Variants in ACSM6 observed in about 807,000 individuals in gnomAD.
ACSM6 encodes acyl-coenzyme A synthetase ACSM6, mitochondrial.
ACSM6 carries 35 observed loss-of-function variants against 51.1 expected under a neutral mutation model. The ratio of observed to expected loss-of-function variants is 0.69; its 90% confidence interval spans 0.52 to 0.91. ACSM6 has a LOEUF of 0.91. Ranked by LOEUF, ACSM6 falls within the 40% of genes least tolerant of loss-of-function variation. ACSM6 has a pLI of 0.00. For synonymous variants in ACSM6, 172 were observed against 207.3 expected (o/e 0.83, Z 1.46); for missense variants, 509 against 584.1 (o/e 0.87, Z 1.32).
At chr10:95,221,006 C>CATAAATAAATAAATAAATAA (rs2034990252) in intron 9 of ACSM6, among the ~76,000 whole-genome samples, 1 of 151,250 alleles carries the variant, frequency 6.6e-6, no homozygotes, top group Admixed American at 6.6e-5. Context: ...CATTTAGAGA[C>CATAAATAAATAAATAAATAA]ATGAATAAAA....
At chr10:95,214,946 A>G (rs1430526718) in exon 8 of ACSM6, 1 of 1,551,518 alleles carries the variant, frequency 6.4e-7, no homozygotes, top group African/African-American at 1.4e-5. Flanking sequence ...TAAGTTGGAC[A>G]TCTATGAAGG....
At chr10:95,228,803 T>C (rs746299777) in exon 11 of ACSM6, 18 of 1,549,390 alleles carry the variant, frequency 1.2e-5, no homozygotes, top group Middle Eastern at 1.7e-4. Flanking sequence ...GTTATTGCTA[T>C]TGAGCCTGGG....
At chr10:95,218,240 C>G (rs1318558789) in intron 8 of ACSM6, among the ~76,000 whole-genome samples, 2 of 152,208 alleles carry the variant, frequency 1.3e-5, no homozygotes, top group Non-Finnish European at 2.9e-5. Context: ...GTCACACAAC[C>G]TGCATGGGAG....
chr10:95,207,776 T>C (rs1289230430), intron 4 of ACSM6, among the ~76,000 whole-genome samples: 1 of 130,092 alleles, frequency 7.7e-6, no homozygotes, highest in South Asian at 2.5e-4. Context: ...AAAAAACTTA[T>C]ATATAGACTA....
chr10:95,221,284 T>G (rs1459221437), intron 9 of ACSM6, among the ~76,000 whole-genome samples: 1 of 152,114 alleles, frequency 6.6e-6, no homozygotes, highest in African/African-American at 2.4e-5. Flanking sequence ...AGAATCCCTA[T>G]GAATAATTAT....
exon 4 of ACSM6, chr10:95,207,274 C>T: frequency 6.2e-7 from 1 of 1,614,172 alleles, no homozygotes; most frequent in East Asian, 2.2e-5. Context: ...TTACGCATGT[C>T]TAAGGCCCAG....
intron 3 of ACSM6, 129 bp from the exon 4 acceptor site, chr10:95,207,079 C>T (rs2034844819): frequency 1.2e-6 from 1 of 808,208 alleles, no homozygotes; most frequent in African/African-American, 1.7e-5. Flanking sequence ...TGTTACTGAC[C>T]CAATAGAGAA....
intron 8 of ACSM6, among the ~76,000 whole-genome samples, chr10:95,215,762 C>T (rs1163213380): frequency 6.6e-6 from 1 of 152,152 alleles, no homozygotes; most frequent in African/African-American, 2.4e-5. Flanking sequence ...TTATTTTTCT[C>T]ACAGTTCTAG....
rs1438758659 is a variant in ACSM6, at chr10:95,210,799, GT to G, written c.755+8del. Reference sequence around the variant, plus strand: ...GGATTCAGCCAGGCTTCCAGGTACGGTTCTCGCACAGCCTGTACAGGCCTGA... The same window carrying G: ...GGATTCAGCCAGGCTTCCAGGTACGGTCTCGCACAGCCTGTACAGGCCTGA... On this transcript the variant is annotated splice_region_variant and intron_variant, in intron 5 of 10. Coordinates refer to ENST00000341686, the Ensembl canonical transcript of ACSM6. The G allele has an allele frequency of 6.2e-7, 1 of 1,613,122 alleles. No individual in the cohort carries two copies. The highest frequency in any genetic ancestry group is 2.2e-5 in the East Asian group (1 of 44,870).
chr10:95,202,938 CAAAAA>C (rs35376103), intron 3 of ACSM6, among the ~76,000 whole-genome samples: 1 of 85,918 alleles, frequency 1.2e-5, no homozygotes, highest in Non-Finnish European at 2.3e-5. Context: ...GGCTCTGTCT[CAAAAA>C]AAAAAAAAAA....
intron 9 of ACSM6, among the ~76,000 whole-genome samples, chr10:95,221,138 G>GA (rs1039339312): frequency 6.6e-6 from 1 of 151,504 alleles, no homozygotes; most frequent in African/African-American, 2.4e-5. Flanking sequence ...GATTTTCTTA[G>GA]AAAAAAAATC....
chr10:95,204,657 T>C (rs1012352277), intron 3 of ACSM6, among the ~76,000 whole-genome samples: 8 of 152,170 alleles, frequency 5.3e-5, no homozygotes, highest in Admixed American at 3.3e-4. Flanking sequence ...TTGAAAACGT[T>C]AAATGTCATA....
chr10:95,198,673 A>G (rs1409005647), intron 2 of ACSM6, among the ~76,000 whole-genome samples: 3 of 151,932 alleles, frequency 2.0e-5, no homozygotes, highest in African/African-American at 7.3e-5. Flanking sequence ...AATTACTTCC[A>G]TGGTCACATA....
chr10:95,207,166 T>C (rs765762860), intron 3 of ACSM6, 42 bp from the exon 4 acceptor site: 1 of 1,593,054 alleles, frequency 6.3e-7, no homozygotes, highest in Non-Finnish European at 8.6e-7. Flanking sequence ...AATTCTCTAC[T>C]CAAAAGATAA....
At chr10:95,227,107 C>T (rs1329061594) in intron 10 of ACSM6, among the ~76,000 whole-genome samples, 3 of 151,918 alleles carry the variant, frequency 2.0e-5, no homozygotes, top group Admixed American at 6.6e-5. Flanking sequence ...CTGCCTCAGC[C>T]TCATGAGTAG....
At chr10:95,207,258 T>C (rs771828881) in exon 4 of ACSM6, 3 of 1,614,052 alleles carry the variant, frequency 1.9e-6, no homozygotes, top group Non-Finnish European at 2.5e-6. Flanking sequence ...GAAAATTCGC[T>C]ATCAATTACG....
intron 2 of ACSM6, among the ~76,000 whole-genome samples, chr10:95,198,342 A>G (rs150716667): frequency 4.3e-4 from 65 of 152,292 alleles, no homozygotes; most frequent in African/African-American, 1.4e-3. Flanking sequence ...TCGCACAAAG[A>G]TATTATAGAA....
intron 2 of ACSM6, among the ~76,000 whole-genome samples, chr10:95,195,918 T>C (rs2034720813): frequency 1.3e-5 from 2 of 152,080 alleles, no homozygotes; most frequent in Admixed American, 6.5e-5. Context: ...TGAAAGCTCC[T>C]TGAAAAGGTT....
chr10:95,198,909 T>A (rs1467062000), intron 2 of ACSM6, among the ~76,000 whole-genome samples: 1 of 152,114 alleles, frequency 6.6e-6, no homozygotes, highest in East Asian at 1.9e-4. Flanking sequence ...ATCAATATCA[T>A]GAAAATGGCC....
Sources: allele counts gnomAD v4.1 joint callset (sites outside exome capture counted in the v4.1 genomes callset), GRCh38; gene constraint gnomAD v4.1.1; transcripts MANE v1.5; gene names NCBI Gene and HGNC (gene_info 2026-07-23, HGNC 2026-07-21).